LRP1B: variants seen among roughly 807,000 people sequenced by gnomAD.
The protein encoded by LRP1B is LDL receptor related protein 1B, also known as low-density lipoprotein receptor-related protein 1B.
In LRP1B, 217 loss-of-function variants were observed where a neutral mutation model predicts 556.6. That is an observed-to-expected ratio of 0.39 (90% CI 0.35 to 0.44). The LOEUF (loss-of-function observed/expected upper bound fraction) is 0.44, where lower values mean the gene tolerates loss of function less well. Ranked by LOEUF, LRP1B falls within the 20% of genes least tolerant of loss-of-function variation. The pLI, the probability that LRP1B is intolerant of heterozygous loss-of-function variation, is 1.00. For missense variants in LRP1B, 5,053 were observed against 5,620.8 expected, an observed-to-expected ratio of 0.90 and a Z score of 3.23; for synonymous variants, 2,047 against 1,865.8, an observed-to-expected ratio of 1.10 and a Z score of -2.50.
At chr2:140,534,938 C>T (rs977399529) in intron 46 of LRP1B, among the ~76,000 whole-genome samples, 2 of 152,130 alleles carry the variant, frequency 1.3e-5, no homozygotes, top group Non-Finnish European at 2.9e-5. Context: ...AGGCTAATTA[C>T]ACTAGCAGGT....
At position 141,062,042 on chromosome 2, in the gene LRP1B, T is replaced by G. The variant is rs746309886; in HGVS notation, c.1236+9A>C. The G allele has an allele frequency of 1.1e-5, 18 of 1,607,074 alleles. No individual in the cohort carries two copies. The highest frequency in any genetic ancestry group is 1.5e-5 in the Non-Finnish European group (18 of 1,174,382). ...CCCTAGGAGCGTTGTCTAACAAAAT[T>G]GTACTTACTTGTCTGCCTTGAATGA... On this transcript the variant is annotated intron_variant, in intron 8 of 90. Transcript: ENST00000389484.
rs56723132 is a variant in LRP1B at position 140,381,861 on chromosome 2, CAAAAA to C, written c.10532-3580_10532-3576del. ...TGGGCAACAAAGTGAGGCTCCCTTT[CAAAAA>C]AAAAAAAAAAAAAAAAAAAAGAGGA... On this transcript the variant is annotated intron_variant, in intron 67 of 90. Transcript: ENST00000389484. Among the ~76,000 whole-genome samples the C allele has an allele frequency of 4.3e-3, 275 of 64,188 alleles. 2 individuals carry two copies. The highest frequency in any genetic ancestry group is 0.014 in the African/African-American group (260 of 18,956). The allele number at this position is 64,188 out of a possible 152,430, so 42.1% of individuals were successfully genotyped here.
At chr2:141,638,186 C>T (rs889957315) in intron 2 of LRP1B, among the ~76,000 whole-genome samples, 2 of 151,872 alleles carry the variant, frequency 1.3e-5, no homozygotes, top group Non-Finnish European at 2.9e-5. Context: ...GACCTTGTCT[C>T]AAAGAAAAAA....
At chr2:141,286,244 A>G (rs1424141311) in intron 3 of LRP1B, among the ~76,000 whole-genome samples, 2 of 152,028 alleles carry the variant, frequency 1.3e-5, no homozygotes, top group Non-Finnish European at 2.9e-5. Flanking sequence ...CTCTTAATAG[A>G]GTTAAGTATA....
intron 7 of LRP1B, among the ~76,000 whole-genome samples, chr2:141,141,916 A>T (rs1441343895): frequency 6.6e-6 from 1 of 152,158 alleles, no homozygotes; most frequent in East Asian, 1.9e-4. Flanking sequence ...CATTGGTTAG[A>T]TACTTGTTTC....
intron 25 of LRP1B, among the ~76,000 whole-genome samples, chr2:140,883,252 A>G (rs1693530202): frequency 6.6e-6 from 1 of 152,196 alleles, no homozygotes; most frequent in Non-Finnish European, 1.5e-5. Context: ...TGAGTTACTC[A>G]ACATTGAACC....
chr2:140,790,944 T>G (rs939964926), intron 32 of LRP1B, among the ~76,000 whole-genome samples: 1 of 146,782 alleles, frequency 6.8e-6, no homozygotes, highest in Non-Finnish European at 1.5e-5. Flanking sequence ...CTACAAATTT[T>G]TTTTTTTTTT....
chr2:140,933,871 G>A (rs1346650516), intron 20 of LRP1B, among the ~76,000 whole-genome samples: 2 of 151,984 alleles, frequency 1.3e-5, no homozygotes, highest in Non-Finnish European at 2.9e-5. Context: ...TGATTCAAAA[G>A]CCTTGAGTTG....
chr2:141,283,001 T>C (rs1353615641), intron 3 of LRP1B, among the ~76,000 whole-genome samples: 2 of 152,164 alleles, frequency 1.3e-5, no homozygotes, highest in Non-Finnish European at 2.9e-5. Context: ...GTAAAGTCCT[T>C]GATAACAGAG....
At chr2:142,031,301 A>C (rs536440152) in intron 1 of LRP1B, among the ~76,000 whole-genome samples, 1 of 148,872 alleles carries the variant, frequency 6.7e-6, no homozygotes, top group Non-Finnish European at 1.5e-5. Flanking sequence ...GTAAAAACAG[A>C]TATATTTAGA....
At chr2:141,085,817 G>C (rs3856355) in intron 7 of LRP1B, among the ~76,000 whole-genome samples, 129,175 of 152,228 alleles carry the variant, frequency 0.85, 55,071 homozygotes, top group East Asian at 0.88. Context: ...AAGTTTTAAT[G>C]AAGAATCACT....
intron 2 of LRP1B, among the ~76,000 whole-genome samples, chr2:141,573,980 G>A (rs888119449): frequency 1.3e-5 from 2 of 152,016 alleles, no homozygotes; most frequent in Admixed American, 6.6e-5. Flanking sequence ...AAAAACCCAG[G>A]ACTAGATAGA....
At chr2:141,493,288 C>T (rs1021400932) in intron 2 of LRP1B, among the ~76,000 whole-genome samples, 12 of 152,102 alleles carry the variant, frequency 7.9e-5, no homozygotes, top group African/African-American at 2.7e-4. Flanking sequence ...AATTATGTAT[C>T]TTTTTCTGTC....
intron 7 of LRP1B, among the ~76,000 whole-genome samples, chr2:141,136,003 G>A (rs1701482952): frequency 6.6e-6 from 1 of 151,890 alleles, no homozygotes; most frequent in African/African-American, 2.4e-5. Flanking sequence ...TACAATTTGT[G>A]CAGATAATGG....
chr2:140,711,440 C>T (rs1044310446), intron 37 of LRP1B, among the ~76,000 whole-genome samples: 8 of 152,028 alleles, frequency 5.3e-5, no homozygotes, highest in African/African-American at 1.2e-4. Context: ...CTCTTGACTT[C>T]CCACTATTCC....
rs11326947 is a variant in LRP1B, at chr2:141,741,263, CTTTTTTTTTTT to C, written c.205+69005_205+69015del. Among the ~76,000 whole-genome samples, 577 of 57,996 alleles carry C rather than the reference CTTTTTTTTTTT, an allele frequency of 9.9e-3. 15 individuals carry two copies. Among genetic ancestry groups the C allele is most frequent in the African/African-American group, 0.04 (543 of 13,532 alleles). 38.0% of individuals were successfully genotyped at this position (57,996 alleles called of 152,430 possible). A position where few individuals can be genotyped will look rare whatever the true frequency, so the allele number is the denominator to read the frequency against. On this transcript the variant is annotated intron_variant, in intron 2 of 90. Coordinates refer to ENST00000389484, the MANE Select transcript of LRP1B (RefSeq NM_018557.3). ...GTTATCTCTTCAGTATACTGATTTC[CTTTTTTTTTTT>C]TTTTTTTTTTTTTTTTTTTAGTATA...
chr2:140,700,090 C>CG (rs1231482303), intron 41 of LRP1B, among the ~76,000 whole-genome samples, 160 bp downstream of exon 41: 9 of 28,464 alleles, frequency 3.2e-4, no homozygotes, highest in East Asian at 2.1e-3. Context: ...TGACATTTGG[C>CG]GGGGGGGTGG....
At chr2:140,647,358 T>A (rs1331244011) in intron 41 of LRP1B, among the ~76,000 whole-genome samples, 2 of 152,234 alleles carry the variant, frequency 1.3e-5, no homozygotes, top group African/African-American at 4.8e-5. Context: ...ATTGTCTTAT[T>A]TTTTATATAT....
At chr2:140,304,488 C>G (rs1458136908) in intron 83 of LRP1B, among the ~76,000 whole-genome samples, 1 of 152,058 alleles carries the variant, frequency 6.6e-6, no homozygotes, top group African/African-American at 2.4e-5. Context: ...TATCCTTCAC[C>G]CAGTTTTTGA....
Sources: allele counts gnomAD v4.1 joint callset (sites outside exome capture counted in the v4.1 genomes callset), GRCh38; gene constraint gnomAD v4.1.1; transcripts MANE v1.5; gene names NCBI Gene and HGNC (gene_info 2026-07-23, HGNC 2026-07-21).